PPP1R42: variants seen among roughly 807,000 people sequenced by gnomAD.
PPP1R42 encodes the protein leucine rich repeat containing 67.
A neutral mutation model predicts 31.0 loss-of-function variants in PPP1R42; 34 were observed. The ratio of observed to expected loss-of-function variants is 1.10; its 90% CI spans 0.83 to 1.46. PPP1R42 has a LOEUF of 1.46. Ranked by LOEUF, PPP1R42 falls within the 40% of genes most tolerant of loss-of-function variation. The probability of loss-of-function intolerance (pLI) is 0.00; values close to 1 mark genes in which losing one functional copy is unlikely to be tolerated. For synonymous variants in PPP1R42, 103 were observed against 109.8 expected, an observed-to-expected ratio of 0.94 and a Z score of 0.39; for missense variants, 268 against 303.0, an observed-to-expected ratio of 0.88 and a Z score of 0.86.
intron 5 of PPP1R42, among the ~76,000 whole-genome samples, chr8:66,996,294 C>G (rs546855457): frequency 6.6e-6 from 1 of 152,326 alleles, no homozygotes; most frequent in African/African-American, 2.4e-5. Flanking sequence ...TCAATCAATC[C>G]TCCTGCCTTG....
intron 5 of PPP1R42, among the ~76,000 whole-genome samples, chr8:67,001,873 G>A (rs1377926032): frequency 2.0e-5 from 3 of 152,282 alleles, no homozygotes; most frequent in Middle Eastern, 3.4e-3. Context: ...GTGGCAGGAC[G>A]TTCACTTGAG....
At chr8:67,019,906 AAAAC>A (rs1361446300) in intron 1 of PPP1R42, among the ~76,000 whole-genome samples, 4 of 151,896 alleles carry the variant, frequency 2.6e-5, no homozygotes, top group Non-Finnish European at 4.4e-5. Context: ...AAAAACCAAA[AAAAC>A]AAACAAACAA....
intron 7 of PPP1R42, among the ~76,000 whole-genome samples, chr8:66,965,747 C>A (rs1814364626): frequency 6.6e-6 from 1 of 151,892 alleles, no homozygotes; most frequent in Non-Finnish European, 1.5e-5. Context: ...ATAGTGAGAC[C>A]CGGTCTGTAC....
At chr8:66,984,884 G>A in intron 6 of PPP1R42, 1 of 1,566,378 alleles carries the variant, frequency 6.4e-7, no homozygotes, top group East Asian at 2.2e-5. Flanking sequence ...TGTCTCTGAA[G>A]TTTTTTCTGT....
At chr8:67,006,256 C>T (rs1430066226) in intron 5 of PPP1R42, among the ~76,000 whole-genome samples, 2 of 152,196 alleles carry the variant, frequency 1.3e-5, no homozygotes, top group African/African-American at 4.8e-5. Context: ...TTCGTAATAA[C>T]CTGATCTAAA....
At position 66,976,824 on chromosome 8, in the gene PPP1R42, A is replaced by G. The variant is rs78369254; in HGVS notation, c.802+5225T>C. Among the ~76,000 whole-genome samples, 598 of 152,168 alleles carry G rather than the reference A, an allele frequency of 3.9e-3. 7 individuals carry two copies. The highest frequency in any genetic ancestry group is 0.014 in the African/African-American group (583 of 41,540). ...ATTCATCTGTTGGACACTTAGGGCA[A>G]TTCTGTATCTTGGCTATTGTGAATA... On this transcript the variant is annotated intron_variant, in intron 7 of 7. Coordinates refer to ENST00000685739, the MANE Select transcript of PPP1R42 (RefSeq NM_001364910.1).
chr8:67,003,158 C>A (rs1238459178), intron 5 of PPP1R42, among the ~76,000 whole-genome samples: 1 of 134,684 alleles, frequency 7.4e-6, no homozygotes, highest in East Asian at 2.1e-4. Flanking sequence ...AAGAGCGAAA[C>A]TCCGTCTCAA....
chr8:67,023,016 C>CG (rs1816271123), intron 1 of PPP1R42, among the ~76,000 whole-genome samples: 1 of 151,914 alleles, frequency 6.6e-6, no homozygotes, highest in Non-Finnish European at 1.5e-5. Flanking sequence ...TCCATGAGTA[C>CG]GGTAAGTCTC....
intron 1 of PPP1R42, among the ~76,000 whole-genome samples, chr8:67,024,801 C>T (rs1390582452): frequency 6.6e-6 from 1 of 150,902 alleles, no homozygotes; most frequent in Non-Finnish European, 1.5e-5. Flanking sequence ...TTTGTAGAGA[C>T]AGGGTTGTAC....
intron 5 of PPP1R42, among the ~76,000 whole-genome samples, chr8:66,991,165 A>G (rs1815178221): frequency 6.6e-6 from 1 of 152,170 alleles, no homozygotes; most frequent in African/African-American, 2.4e-5. Flanking sequence ...CTTAAAAACT[A>G]TAGGTAAAGA....
chr8:66,971,249 A>G, intron 7 of PPP1R42: 1 of 720,536 alleles, frequency 1.4e-6, no homozygotes, highest in Non-Finnish European at 2.0e-6. Context: ...AGCCAAATGA[A>G]TACACAGTAA....
chr8:66,983,287 A>AT (rs1814903173), intron 6 of PPP1R42, among the ~76,000 whole-genome samples: 1 of 151,618 alleles, frequency 6.6e-6, no homozygotes. Context: ...ACATTTTACC[A>AT]TTTTTTCCTT....
intron 5 of PPP1R42, among the ~76,000 whole-genome samples, chr8:66,992,377 G>T (rs970135252): frequency 2.6e-5 from 4 of 151,960 alleles, no homozygotes; most frequent in Admixed American, 2.6e-4. Flanking sequence ...CACATACCGA[G>T]AACTGAACAT....
At chr8:66,986,337 C>G (rs1815015234) in intron 6 of PPP1R42, 1 of 529,582 alleles carries the variant, frequency 1.9e-6, no homozygotes, top group African/African-American at 1.9e-5. Context: ...GCTCATCCAG[C>G]TCCCTCTTAG....
intron 5 of PPP1R42, among the ~76,000 whole-genome samples, chr8:66,999,763 G>A (rs1815431374): frequency 6.6e-6 from 1 of 152,166 alleles, no homozygotes; most frequent in Non-Finnish European, 1.5e-5. Flanking sequence ...TTTGCGGTGA[G>A]GTTTTTATTT....
chr8:66,998,784 A>G (rs1815402898), intron 5 of PPP1R42, among the ~76,000 whole-genome samples: 1 of 152,212 alleles, frequency 6.6e-6, no homozygotes, highest in African/African-American at 2.4e-5. Flanking sequence ...CATTTTGTGC[A>G]TCTATTGAGA....
chr8:66,970,742 G>T (rs981960970), intron 7 of PPP1R42: 5 of 503,202 alleles, frequency 9.9e-6, no homozygotes, highest in East Asian at 5.3e-5. Flanking sequence ...TACCTCAGTG[G>T]GTGTATCCAG....
At chr8:67,027,933 G>C (rs1040172624) in intron 1 of PPP1R42, among the ~76,000 whole-genome samples, 2 of 151,826 alleles carry the variant, frequency 1.3e-5, no homozygotes, top group Non-Finnish European at 2.9e-5. Flanking sequence ...TTAGCTTTTT[G>C]TTGGTGTTTT....
chr8:67,001,041 CATT>C (rs1815468736), intron 5 of PPP1R42, among the ~76,000 whole-genome samples: 1 of 152,032 alleles, frequency 6.6e-6, no homozygotes, highest in Non-Finnish European at 1.5e-5. Context: ...CACTTTTTAT[CATT>C]ATAAATTTTC....
Sources: allele counts gnomAD v4.1 joint callset (sites outside exome capture counted in the v4.1 genomes callset), GRCh38; gene constraint gnomAD v4.1.1; transcripts MANE v1.5; gene names NCBI Gene and HGNC (gene_info 2026-07-23, HGNC 2026-07-21).